The following GRIK2 variants were observed in gnomAD, a reference collection of about 807,000 sequenced individuals.
The protein encoded by GRIK2 is glutamate ionotropic receptor kainate type subunit 2, also known as glutamate receptor ionotropic, kainate 2.
GRIK2 carries 32 observed loss-of-function variants against 100.3 expected under a neutral mutation model. The observed-to-expected ratio is 0.32, with a 90% CI of 0.24 to 0.43. GRIK2 has a LOEUF of 0.43. Ranked by LOEUF, GRIK2 falls within the 20% of genes least tolerant of loss-of-function variation. The pLI is 1.00. For missense variants in GRIK2, 843 were observed against 1,114.9 expected (o/e 0.76, Z 3.47); for synonymous variants, 417 against 389.4 (o/e 1.07, Z -0.83).
intron 2 of GRIK2, among the ~76,000 whole-genome samples, chr6:101,449,821 T>G (rs2128248677): frequency 6.6e-6 from 1 of 151,828 alleles, no homozygotes; most frequent in East Asian, 1.9e-4. Flanking sequence ...CCTTTAATAT[T>G]TTGACACACA....
rs188690365 is a variant in GRIK2 at position 101,399,246 on chromosome 6, G to C, written c.-32G>C. The C allele has an allele frequency of 3.7e-5, 38 of 1,031,904 alleles. No individual in the cohort carries two copies. Among genetic ancestry groups the C allele is most frequent in the Middle Eastern group, 2.0e-4 (1 of 4,960 alleles). 63.9% of individuals were successfully genotyped at this position (1,031,904 alleles called of 1,614,324 possible). On this transcript the variant is annotated 5_prime_UTR_variant, in exon 2 of 17. Coordinates refer to ENST00000369134, the MANE Select transcript of GRIK2 (RefSeq NM_021956.5). ...AGGAGCCGAACGCTAGATCGGGGAA[G>C]TGGGTGCCGTGCGTGTGGGCACAGA...
intron 7 of GRIK2, among the ~76,000 whole-genome samples, chr6:101,792,050 C>G (rs1285389409): frequency 6.6e-6 from 1 of 151,444 alleles, no homozygotes; most frequent in Non-Finnish European, 1.5e-5. Flanking sequence ...TTTTGTTTTC[C>G]ATTTGCTTGG....
chr6:101,552,667 T>A (rs1007689003), intron 2 of GRIK2, among the ~76,000 whole-genome samples: 22 of 152,202 alleles, frequency 1.4e-4, no homozygotes, highest in African/African-American at 5.1e-4. Context: ...GCACATAATG[T>A]GGCACTAATC....
At chr6:101,505,060 GTTTT>G (rs5878668) in intron 2 of GRIK2, among the ~76,000 whole-genome samples, 3 of 145,022 alleles carry the variant, frequency 2.1e-5, no homozygotes, top group East Asian at 2.0e-4. Flanking sequence ...AGTTTTTTTT[GTTTT>G]TTTTTTTGTC....
At chr6:101,874,670 C>G (rs1365883740) in intron 11 of GRIK2, among the ~76,000 whole-genome samples, 1 of 152,060 alleles carries the variant, frequency 6.6e-6, no homozygotes, top group African/African-American at 2.4e-5. Flanking sequence ...GGCATTGAAT[C>G]TATAAATTAC....
chr6:102,029,031 T>TAGG (rs1270588870), intron 14 of GRIK2, among the ~76,000 whole-genome samples: 3 of 151,370 alleles, frequency 2.0e-5, no homozygotes, highest in African/African-American at 7.2e-5. Flanking sequence ...ATATTTCTCT[T>TAGG]AGGTACTACA....
intron 2 of GRIK2, among the ~76,000 whole-genome samples, chr6:101,448,609 C>T (rs944194052): frequency 6.6e-6 from 1 of 151,366 alleles, no homozygotes; most frequent in Non-Finnish European, 1.5e-5. Flanking sequence ...GGAATTCTAA[C>T]AAAAATGATG....
chr6:101,592,499 C>T (rs1454920569), intron 2 of GRIK2, among the ~76,000 whole-genome samples: 2 of 149,316 alleles, frequency 1.3e-5, no homozygotes, highest in Admixed American at 6.8e-5. Context: ...CTGGGAAGAC[C>T]AGCTGACAAC....
intron 11 of GRIK2, among the ~76,000 whole-genome samples, chr6:101,867,167 A>C (rs926063478): frequency 6.6e-6 from 1 of 151,914 alleles, no homozygotes; most frequent in African/African-American, 2.4e-5. Flanking sequence ...GAAAGCCTGA[A>C]TTCCTTTTAC....
intron 7 of GRIK2, among the ~76,000 whole-genome samples, chr6:101,767,118 T>G (rs1294272539): frequency 1.3e-5 from 2 of 152,248 alleles, no homozygotes; most frequent in Non-Finnish European, 2.9e-5. Context: ...CTATCTAGAA[T>G]TCAGAAGAAA....
intron 10 of GRIK2, among the ~76,000 whole-genome samples, chr6:101,842,408 T>C (rs537837775): frequency 3.4e-4 from 52 of 152,312 alleles, no homozygotes; most frequent in Admixed American, 1.4e-3. Context: ...TTGGGACATT[T>C]TTACTTTTCC....
In GRIK2 at chr6:101,877,574, C is replaced by A. The variant is rs191997895; in HGVS notation, c.1525-12066C>A. Among the ~76,000 whole-genome samples the A allele has an allele frequency of 2.0e-3, 301 of 151,928 alleles. 1 individual carries two copies. Among genetic ancestry groups the A allele is most frequent in the African/African-American group, 7.0e-3 (292 of 41,478 alleles). ...CCCTGGATATCAACAGATGACTATACAAATATGACATTTATGTGTGTATAT... is the reference window on the plus strand; with the variant it reads ...CCCTGGATATCAACAGATGACTATAAAAATATGACATTTATGTGTGTATAT... On this transcript the variant is annotated intron_variant, in intron 11 of 16. Transcript: ENST00000369134.
chr6:101,491,006 G>GA (rs1773073771), intron 2 of GRIK2, among the ~76,000 whole-genome samples: 1 of 145,922 alleles, frequency 6.9e-6, no homozygotes, highest in Non-Finnish European at 1.5e-5. Flanking sequence ...TCAGGGATTA[G>GA]AAACGGTGAG....
At chr6:101,841,808 C>T (rs1783522739) in intron 10 of GRIK2, among the ~76,000 whole-genome samples, 1 of 152,084 alleles carries the variant, frequency 6.6e-6, no homozygotes, top group African/African-American at 2.4e-5. Flanking sequence ...AATCTATGAA[C>T]TACATACCCT....
At position 101,795,915 on chromosome 6, in the gene GRIK2, A is replaced by G. The variant is rs1219000512; in HGVS notation, c.952-3733A>G. ...TCTTTTTTACAAATATGCATTTACCAGTTTTCTATAATCTCTACCTTTTCT... is the reference window on the plus strand; with the variant it reads ...TCTTTTTTACAAATATGCATTTACCGGTTTTCTATAATCTCTACCTTTTCT... On this transcript the variant is annotated intron_variant, in intron 7 of 16. Transcript: ENST00000369134. Among the ~76,000 whole-genome samples the G allele has an allele frequency of 2.0e-5, 3 of 152,198 alleles. No homozygotes were observed. The East Asian group carries it at 5.8e-4, about 29-fold the overall frequency.
chr6:101,896,800 T>C (rs1488579013), intron 12 of GRIK2, among the ~76,000 whole-genome samples: 1 of 151,700 alleles, frequency 6.6e-6, no homozygotes, highest in African/African-American at 2.4e-5. Flanking sequence ...GATGATTTGT[T>C]TCCATTTAGA....
At chr6:101,943,875 C>A (rs966530939) in intron 14 of GRIK2, among the ~76,000 whole-genome samples, 3 of 152,062 alleles carry the variant, frequency 2.0e-5, no homozygotes, top group Non-Finnish European at 4.4e-5. Context: ...GTTGGAAAAG[C>A]ATGATTGCGT....
intron 7 of GRIK2, among the ~76,000 whole-genome samples, chr6:101,783,830 C>T (rs970825174): frequency 6.6e-6 from 1 of 152,114 alleles, no homozygotes; most frequent in South Asian, 2.1e-4. Context: ...GAACTTTGAA[C>T]TTGAGATAGA....
chr6:101,745,169 A>C (rs889166396), intron 7 of GRIK2: 1 of 152,140 alleles, frequency 6.6e-6, no homozygotes, highest in Non-Finnish European at 1.5e-5. Context: ...AGTTTTTTTC[A>C]ATTTTTGATA....
Sources: gnomAD v4.1 joint callset for allele counts (sites outside exome capture counted in the v4.1 genomes callset) on GRCh38, gnomAD v4.1.1 for gene constraint, MANE v1.5 for transcripts, NCBI Gene and HGNC (gene_info 2026-07-23, HGNC 2026-07-21) for gene names.